Variants in ATP10B observed in about 807,000 individuals in gnomAD.
ATP10B encodes the protein phospholipid-transporting ATPase VB.
In ATP10B, 122 loss-of-function variants were observed where a neutral mutation model predicts 141.2. The observed-to-expected ratio is 0.86, with a 90% CI of 0.75 to 1.00. The LOEUF is 1.00. Among genes scored for constraint, ATP10B ranks in the 50% least tolerant of loss-of-function variants. The probability of loss-of-function intolerance (pLI) is 0.00; values close to 1 mark genes in which losing one functional copy is unlikely to be tolerated. For missense variants in ATP10B, 1,876 were observed against 1,825.3 expected, an observed-to-expected ratio of 1.03 and a Z score of -0.51; for synonymous variants, 685 against 692.0, an observed-to-expected ratio of 0.99 and a Z score of 0.16.
intron 2 of ATP10B, among the ~76,000 whole-genome samples, chr5:160,758,432 A>G (rs1180959745): frequency 6.6e-6 from 1 of 152,232 alleles, no homozygotes; most frequent in Non-Finnish European, 1.5e-5. Context: ...CATGCACTTC[A>G]GAAATACATC....
At position 160,565,023 on chromosome 5, in the gene ATP10B, CTT is replaced by C. The variant is rs1754448435; in HGVS notation, c.*428_*429del. 5.9e-6 allele frequency: 1 copy of C among 170,168 alleles called. No individual in the cohort carries two copies. Among genetic ancestry groups the C allele is most frequent in the African/African-American group, 2.4e-5 (1 of 41,724 alleles). 10.5% of individuals were successfully genotyped at this position (170,168 alleles called of 1,614,324 possible). A position where few individuals can be genotyped will look rare whatever the true frequency, so the allele number is the denominator to read the frequency against. ...TTATGTGCACAAGTCTCTTCTGAAA[CTT>C]TAACTCTGGGCACTGAGGGGTAAAT... On this transcript the variant is annotated 3_prime_UTR_variant, in exon 26 of 26. Transcript: ENST00000327245.
chr5:160,836,614 C>T (rs1775450877), intron 1 of ATP10B, among the ~76,000 whole-genome samples: 1 of 152,112 alleles, frequency 6.6e-6, no homozygotes. Context: ...GAACTACTTG[C>T]AAACTATCTT....
At chr5:160,581,101 G>C (rs1198649730) in intron 24 of ATP10B, among the ~76,000 whole-genome samples, 1 of 152,126 alleles carries the variant, frequency 6.6e-6, no homozygotes, top group East Asian at 1.9e-4. Flanking sequence ...CTAGTTCCTG[G>C]ATTCATTGAT....
At chr5:160,883,005 C>T in the ATP10B span, among the ~76,000 whole-genome samples, 1 of 151,920 alleles carries the variant, frequency 6.6e-6, no homozygotes, top group African/African-American at 2.4e-5. Flanking sequence ...AATGAAAAGC[C>T]ATAGAAAGAA....
At chr5:160,660,354 A>C (rs1196451151) in intron 7 of ATP10B, among the ~76,000 whole-genome samples, 1 of 152,212 alleles carries the variant, frequency 6.6e-6, no homozygotes, top group African/African-American at 2.4e-5. Flanking sequence ...ATTTTTAAGA[A>C]GCTCCCACTG....
At chr5:160,841,129 C>A (rs1474951915) in intron 1 of ATP10B, among the ~76,000 whole-genome samples, 1 of 152,132 alleles carries the variant, frequency 6.6e-6, no homozygotes, top group African/African-American at 2.4e-5. Flanking sequence ...TATGAGGCTA[C>A]TCATTAAAGT....
chr5:160,667,247 A>G (rs960557989), intron 7 of ATP10B, among the ~76,000 whole-genome samples: 7 of 151,602 alleles, frequency 4.6e-5, no homozygotes, highest in African/African-American at 1.7e-4. Flanking sequence ...AAACAAAACA[A>G]AACAAAAAAC....
At chr5:160,794,570 T>C (rs12658049) in intron 1 of ATP10B, among the ~76,000 whole-genome samples, 67,028 of 152,062 alleles carry the variant, frequency 0.44, 14,876 homozygotes, top group East Asian at 0.61. Context: ...GAGTAAACTG[T>C]GGTGGTACAT....
rs1754418370 is a variant in ATP10B, at chr5:160,564,339, C to T, written c.*1114G>A. 6.6e-6 allele frequency: 1 copy of T among 152,110 alleles called. No homozygotes were observed. 9.4% of individuals were successfully genotyped at this position (152,110 alleles called of 1,614,324 possible). ...TTTTGAGCTTTTTTTATATAGTTGA[C>T]ATTTATAAACTCTAGGGATAGGAAG... On this transcript the variant is annotated 3_prime_UTR_variant, in exon 26 of 26. Coordinates refer to ENST00000327245, the MANE Select transcript of ATP10B (RefSeq NM_025153.3).
intron 17 of ATP10B, among the ~76,000 whole-genome samples, chr5:160,613,492 T>G (rs1203526447): frequency 1.3e-5 from 2 of 152,110 alleles, no homozygotes; most frequent in Non-Finnish European, 2.9e-5. Context: ...ATAGAATCAG[T>G]TTTGACTTTT....
chr5:160,577,266 T>A (rs1304545290), intron 24 of ATP10B, among the ~76,000 whole-genome samples: 2 of 152,196 alleles, frequency 1.3e-5, no homozygotes, highest in Non-Finnish European at 2.9e-5. Context: ...CTAGCAGTAG[T>A]TGGCTTTGTC....
At chr5:160,615,692 G>T in intron 17 of ATP10B, 146 bp downstream of exon 17, 1 of 953,900 alleles carries the variant, frequency 1.0e-6, no homozygotes, top group Non-Finnish European at 1.6e-6. Context: ...TATTGGCATG[G>T]CCCATTTGTG....
chr5:160,871,836 G>T, the ATP10B span, among the ~76,000 whole-genome samples: 1 of 151,816 alleles, frequency 6.6e-6, no homozygotes, highest in Non-Finnish European at 1.5e-5. Context: ...ATGTGTGTGC[G>T]TTTTTTTATA....
chr5:160,716,351 A>G (rs920689662), intron 3 of ATP10B, among the ~76,000 whole-genome samples: 3 of 152,214 alleles, frequency 2.0e-5, no homozygotes, highest in Non-Finnish European at 2.9e-5. Context: ...ATTAATTCAT[A>G]TAACTCTCAT....
Position 160,565,354 on chromosome 5 carries a change from CT to C in ATP10B, c.*98del, listed in dbSNP as rs1754467566. 5.7e-6 allele frequency: 7 copies of C among 1,236,088 alleles called. No individual in the cohort carries two copies. The Admixed American group carries it at 6.1e-5, about 11-fold the overall frequency. The allele number at this position is 1,236,088 out of a possible 1,614,324, so 76.6% of individuals were successfully genotyped here. A position where few individuals can be genotyped will look rare whatever the true frequency, so the allele number is the denominator to read the frequency against. On this transcript the variant is annotated 3_prime_UTR_variant, in exon 26 of 26. Coordinates refer to ENST00000327245, the MANE Select transcript of ATP10B (RefSeq NM_025153.3). ...AAGGTTGTTGAAGAAAAGAATAAGACTGGCACATTGTTTCCTCTATGAAGAA... is the reference window on the plus strand; with the variant it reads ...AAGGTTGTTGAAGAAAAGAATAAGACGGCACATTGTTTCCTCTATGAAGAA...
the ATP10B span, among the ~76,000 whole-genome samples, chr5:160,876,631 A>G: frequency 6.6e-6 from 1 of 152,050 alleles, no homozygotes; most frequent in Middle Eastern, 3.2e-3. Context: ...AAATTGATAG[A>G]CTGCTAGCAA....
chr5:160,613,169 C>G (rs902534354), intron 17 of ATP10B, among the ~76,000 whole-genome samples: 3 of 152,148 alleles, frequency 2.0e-5, no homozygotes, highest in Admixed American at 2.0e-4. Flanking sequence ...CGAATATACA[C>G]CAGGAGACCT....
intron 2 of ATP10B, among the ~76,000 whole-genome samples, chr5:160,769,712 A>G (rs962912672): frequency 6.6e-6 from 1 of 152,226 alleles, no homozygotes; most frequent in African/African-American, 2.4e-5. Flanking sequence ...AGGAAAGTCA[A>G]AAGGAAACCA....
intron 1 of ATP10B, among the ~76,000 whole-genome samples, chr5:160,808,165 A>T (rs1772910854): frequency 6.6e-6 from 1 of 152,208 alleles, no homozygotes; most frequent in Non-Finnish European, 1.5e-5. Context: ...AAGTTTAAAT[A>T]TGGACTGAAT....
Sources: gnomAD v4.1 joint callset for allele counts (sites outside exome capture counted in the v4.1 genomes callset) on GRCh38, gnomAD v4.1.1 for gene constraint, MANE v1.5 for transcripts, NCBI Gene and HGNC (gene_info 2026-07-23, HGNC 2026-07-21) for gene names.